Variants in MAGI2 observed in about 807,000 individuals in gnomAD.
MAGI2 encodes the protein membrane-associated guanylate kinase, WW and PDZ domain-containing protein 2.
In MAGI2, 35 loss-of-function variants were observed where a neutral mutation model predicts 133.3. The observed-to-expected ratio is 0.26, with a 90% confidence interval of 0.20 to 0.35. The LOEUF is 0.35. MAGI2 is among the 10% of genes least tolerant of loss of function. The pLI is 1.00. For missense variants in MAGI2, 1,636 were observed against 1,863.4 expected, an observed-to-expected ratio of 0.88 and a Z score of 2.25; for synonymous variants, 729 against 710.6, an observed-to-expected ratio of 1.03 and a Z score of -0.41.
At chr7:78,399,166 A>G (rs1299149095) in intron 6 of MAGI2, among the ~76,000 whole-genome samples, 1 of 152,242 alleles carries the variant, frequency 6.6e-6, no homozygotes, top group Non-Finnish European at 1.5e-5. Flanking sequence ...GTGATTGGAT[A>G]ACACCAAGGA....
At chr7:79,002,586 T>C (rs551935727) in intron 2 of MAGI2, among the ~76,000 whole-genome samples, 35 of 152,054 alleles carry the variant, frequency 2.3e-4, no homozygotes, top group Non-Finnish European at 3.7e-4. Context: ...AGTAGGATAG[T>C]GAAATAATTA....
At chr7:78,476,374 A>G (rs1382979245) in intron 6 of MAGI2, among the ~76,000 whole-genome samples, 1 of 151,964 alleles carries the variant, frequency 6.6e-6, no homozygotes, top group Non-Finnish European at 1.5e-5. Flanking sequence ...TTGAAAAGAT[A>G]ATGCGGGAGA....
At chr7:79,198,620 T>G (rs1193408523) in intron 1 of MAGI2, among the ~76,000 whole-genome samples, 1 of 152,062 alleles carries the variant, frequency 6.6e-6, no homozygotes, top group East Asian at 1.9e-4. Flanking sequence ...CCGGGCGCAG[T>G]GGCTCATGCC....
chr7:78,791,003 A>G (rs1827200863), intron 2 of MAGI2, among the ~76,000 whole-genome samples: 1 of 152,224 alleles, frequency 6.6e-6, no homozygotes, highest in African/African-American at 2.4e-5. Context: ...TAAAACAAGA[A>G]GATTAAATGA....
At chr7:78,256,639 G>C (rs1369717902) in intron 9 of MAGI2, 58 bp from the exon 10 acceptor site, 4 of 1,399,862 alleles carry the variant, frequency 2.9e-6, no homozygotes, top group Non-Finnish European at 4.0e-6. Flanking sequence ...TTGACATAGA[G>C]AAATGGAATT....
chr7:78,366,459 C>T (rs1281853326), intron 7 of MAGI2, among the ~76,000 whole-genome samples: 1 of 152,060 alleles, frequency 6.6e-6, no homozygotes, highest in Non-Finnish European at 1.5e-5. Flanking sequence ...GATGAATAAC[C>T]TCTATGTTTA....
intron 21 of MAGI2, among the ~76,000 whole-genome samples, chr7:78,061,157 G>C (rs1464026675): frequency 1.6e-5 from 2 of 122,448 alleles, no homozygotes; most frequent in African/African-American, 3.4e-5. Flanking sequence ...GAGCAAGACT[G>C]TCTCAAAAAA....
In MAGI2 at chr7:78,247,339, A is replaced by G. The variant is rs555755329; in HGVS notation, c.2047+8604T>C. ...GTGCAAAGACTATACCACTGAATAT[A>G]CTTGGAACCAGCCACTACATCTTTT... On this transcript the variant is annotated intron_variant, in intron 10 of 21. Transcript: ENST00000354212. Among the ~76,000 whole-genome samples, 11 of 152,280 alleles carry G rather than the reference A, an allele frequency of 7.2e-5. No homozygotes were observed. The East Asian group carries it at 2.1e-3, about 29-fold the overall frequency.
rs35689352 is a variant in MAGI2, at chr7:78,309,830, A to C, written c.1408+33948T>G. On this transcript the variant is annotated intron_variant, in intron 9 of 21. Coordinates refer to ENST00000354212, the MANE Select transcript of MAGI2 (RefSeq NM_012301.4). ...GCTGCTTAACCTCTGTGAGGCTCAGACCTTTCTTCTATAGATTAGGTTGAC... is the reference window on the plus strand; with the variant it reads ...GCTGCTTAACCTCTGTGAGGCTCAGCCCTTTCTTCTATAGATTAGGTTGAC... 2.9e-3 allele frequency among the ~76,000 whole-genome samples: 409 copies of C among 139,738 alleles called. 6 individuals carry two copies. The East Asian group carries it at 0.037, about 13-fold the overall frequency. 91.7% of individuals were successfully genotyped at this position (139,738 alleles called of 152,430 possible).
At chr7:78,581,202 G>C (rs1457253247) in intron 3 of MAGI2, among the ~76,000 whole-genome samples, 1 of 152,152 alleles carries the variant, frequency 6.6e-6, no homozygotes, top group South Asian at 2.1e-4. Context: ...CCCAGGCTTG[G>C]GGGAGGGAGG....
At chr7:79,137,502 T>C (rs1267881366) in intron 1 of MAGI2, among the ~76,000 whole-genome samples, 3 of 149,432 alleles carry the variant, frequency 2.0e-5, no homozygotes, top group African/African-American at 7.3e-5. Context: ...GTTTGTAGTG[T>C]AGTGTAGTGG....
chr7:78,631,580 G>A (rs1052042027), intron 2 of MAGI2, among the ~76,000 whole-genome samples: 3 of 152,264 alleles, frequency 2.0e-5, no homozygotes, highest in East Asian at 1.9e-4. Flanking sequence ...AACAGAGAAC[G>A]CCATGGTTCT....
chr7:79,271,985 C>T (rs1018754171), intron 1 of MAGI2, among the ~76,000 whole-genome samples: 3 of 152,006 alleles, frequency 2.0e-5, no homozygotes, highest in Non-Finnish European at 2.9e-5. Flanking sequence ...GGTTTAATGT[C>T]TAGGTTTACT....
At position 79,326,650 on chromosome 7, in the gene MAGI2, T is replaced by A. The variant is rs1172030719; in HGVS notation, c.301+126370A>T. Among the ~76,000 whole-genome samples, 4 of 94,806 alleles carry A rather than the reference T, an allele frequency of 4.2e-5. No homozygotes were observed. In the Admixed American group the frequency reaches 5.8e-4, roughly 14 times the overall value. 62.2% of individuals were successfully genotyped at this position (94,806 alleles called of 152,430 possible). A position where few individuals can be genotyped will look rare whatever the true frequency, so the allele number is the denominator to read the frequency against. On this transcript the variant is annotated intron_variant, in intron 1 of 21. Coordinates refer to ENST00000354212, the MANE Select transcript of MAGI2 (RefSeq NM_012301.4). Reference sequence around the variant, plus strand: ...CATTCAGAGCAAATTGAGTTCAGTGTCAGTGATACATTTTTTTTTTTTTCA... The same window carrying A: ...CATTCAGAGCAAATTGAGTTCAGTGACAGTGATACATTTTTTTTTTTTTCA...
At chr7:78,597,609 G>A (rs1168247807) in intron 3 of MAGI2, among the ~76,000 whole-genome samples, 1 of 152,138 alleles carries the variant, frequency 6.6e-6, no homozygotes, top group Non-Finnish European at 1.5e-5. Context: ...TCACTAAATG[G>A]TTTAAATATG....
At chr7:78,803,064 A>G (rs1244371456) in intron 2 of MAGI2, among the ~76,000 whole-genome samples, 1 of 152,076 alleles carries the variant, frequency 6.6e-6, no homozygotes, top group East Asian at 1.9e-4. Flanking sequence ...TTTTATACAC[A>G]TGCACGTATT....
At chr7:78,104,721 C>T (rs1563126177) in intron 20 of MAGI2, among the ~76,000 whole-genome samples, 3 of 152,174 alleles carry the variant, frequency 2.0e-5, no homozygotes, top group East Asian at 1.9e-4. Flanking sequence ...AAACCCTCCT[C>T]ATGTTTCAAG....
At chr7:78,968,869 G>T (rs1266999418) in intron 2 of MAGI2, among the ~76,000 whole-genome samples, 1 of 152,070 alleles carries the variant, frequency 6.6e-6, no homozygotes, top group Non-Finnish European at 1.5e-5. Flanking sequence ...AAATTCAGCT[G>T]CTAATACAGG....
intron 2 of MAGI2, among the ~76,000 whole-genome samples, chr7:78,965,939 C>T (rs1298648736): frequency 6.6e-6 from 1 of 151,996 alleles, no homozygotes; most frequent in Non-Finnish European, 1.5e-5. Context: ...TCATCCCTCA[C>T]CTTTGTTTTA....
Sources: allele counts gnomAD v4.1 joint callset (sites outside exome capture counted in the v4.1 genomes callset), GRCh38; gene constraint gnomAD v4.1.1; transcripts MANE v1.5; gene names NCBI Gene and HGNC (gene_info 2026-07-23, HGNC 2026-07-21).